The following GMPS variants were observed in gnomAD, a reference collection of about 807,000 sequenced individuals.
GMPS encodes the protein guanosine monophosphate synthase.
GMPS carries 15 observed loss-of-function variants against 77.9 expected under a neutral mutation model. The observed-to-expected ratio is 0.19, with a 90% CI of 0.13 to 0.30. GMPS has a LOEUF of 0.30. Ranked by LOEUF, GMPS falls within the 10% of genes least tolerant of loss-of-function variation. The pLI, the probability that GMPS is intolerant of heterozygous loss-of-function variation, is 1.00. For synonymous variants in GMPS, 224 were observed against 275.9 expected, an observed-to-expected ratio of 0.81 and a Z score of 1.86; for missense variants, 590 against 838.8, an observed-to-expected ratio of 0.70 and a Z score of 3.66.
intron 9 of GMPS, among the ~76,000 whole-genome samples, chr3:155,916,470 C>T (rs1441302453): frequency 3.3e-5 from 5 of 152,066 alleles, no homozygotes; most frequent in Non-Finnish European, 5.9e-5. Flanking sequence ...TTTTCTGTCT[C>T]TATAGATTTG....
chr3:155,917,434 C>T (rs1195692438), intron 9 of GMPS, among the ~76,000 whole-genome samples: 1 of 152,204 alleles, frequency 6.6e-6, no homozygotes, highest in Non-Finnish European at 1.5e-5. Context: ...AACCACCATT[C>T]TGCTTTCTGT....
intron 1 of GMPS, among the ~76,000 whole-genome samples, chr3:155,878,596 A>AACATTTTAT (rs1195990985): frequency 2.6e-5 from 4 of 152,202 alleles, no homozygotes; most frequent in Non-Finnish European, 4.4e-5. Flanking sequence ...AAGCAGCTGC[A>AACATTTTAT]ACATTTTATA....
rs767434574 is a variant in GMPS, at chr3:155,931,816, C to A, written c.1612C>A (p.Pro538Thr). 2 of 1,598,136 alleles carry A rather than the reference C, an allele frequency of 1.3e-6. No individual in the cohort carries two copies. The highest frequency in any genetic ancestry group is 2.2e-5 in the South Asian group (2 of 90,704). ...GTGTGGAATCTCCAGTAAAGATGAA[C>A]CTGACTGGGAATCACTTATTTTTCT... ...YVCGISSKDE[P>T]DWESLIFLAR... The change falls in exon 13 of 16, where the codon CCT becomes ACT. Residue 538 changes from proline to threonine, a missense_variant. Physicochemically the swap from Pro to Thr is conservative, Grantham distance 38. Transcript: ENST00000496455.
chr3:155,877,684 A>C (rs1754084707), intron 1 of GMPS, among the ~76,000 whole-genome samples: 1 of 152,088 alleles, frequency 6.6e-6, no homozygotes, highest in Admixed American at 6.6e-5. Flanking sequence ...AAAATTTCTC[A>C]CAATTCTGAA....
chr3:155,917,587 G>T (rs1015577538), intron 9 of GMPS, among the ~76,000 whole-genome samples: 5 of 151,910 alleles, frequency 3.3e-5, no homozygotes, highest in African/African-American at 1.2e-4. Flanking sequence ...TCTTTTTTAA[G>T]ACTGAAAAAT....
At position 155,942,100 on chromosome 3, in the gene GMPS, TG is replaced by T. The variant is rs1360164116; in HGVS notation, c.*4409del. On this transcript the variant is annotated 3_prime_UTR_variant, in exon 16 of 16. Coordinates refer to ENST00000496455, the MANE Select transcript of GMPS (RefSeq NM_003875.3). ...AACTCAAGCATTTACAGTTTTGTTTTGTTTTTTTTTTAAGACAGAGTCTCGC... is the reference window on the plus strand; with the variant it reads ...AACTCAAGCATTTACAGTTTTGTTTTTTTTTTTTTTAAGACAGAGTCTCGC... 5.1e-6 allele frequency: 1 copy of T among 195,126 alleles called. No homozygotes were observed. Among genetic ancestry groups the T allele is most frequent in the Non-Finnish European group, 1.1e-5 (1 of 94,304 alleles). 12.1% of individuals were successfully genotyped at this position (195,126 alleles called of 1,614,324 possible).
intron 13 of GMPS, among the ~76,000 whole-genome samples, chr3:155,934,498 A>G (rs7651038): frequency 0.4 from 60,390 of 152,048 alleles, 14,475 homozygotes; most frequent in Non-Finnish European, 0.52. Context: ...GAAGGATACC[A>G]GTCATTGGAT....
intron 1 of GMPS, among the ~76,000 whole-genome samples, chr3:155,876,025 CA>C (rs924982308): frequency 2.6e-5 from 4 of 151,926 alleles, no homozygotes; most frequent in Non-Finnish European, 4.4e-5. Flanking sequence ...ATATTACATA[CA>C]AAAAAATTGT....
chr3:155,870,041 TTACCAC>T, upstream of GMPS, among the ~76,000 whole-genome samples: 1 of 152,330 alleles, frequency 6.6e-6, no homozygotes, highest in South Asian at 2.1e-4. Context: ...GCTCACCAGA[TTACCAC>T]TCCCAAACTC....
At chr3:155,897,181 A>C (rs951210756) in intron 2 of GMPS, among the ~76,000 whole-genome samples, 1 of 152,128 alleles carries the variant, frequency 6.6e-6, no homozygotes, top group Non-Finnish European at 1.5e-5. Context: ...TAAAATGTTT[A>C]AGTTTTTTTG....
chr3:155,924,879 A>G (rs972131454), intron 11 of GMPS, among the ~76,000 whole-genome samples: 3 of 151,644 alleles, frequency 2.0e-5, no homozygotes, highest in Non-Finnish European at 2.9e-5. Context: ...GGAAAAACAT[A>G]TACCAGGTAA....
intron 4 of GMPS, among the ~76,000 whole-genome samples, chr3:155,904,429 A>G (rs1453721249): frequency 6.6e-6 from 1 of 151,878 alleles, no homozygotes; most frequent in Non-Finnish European, 1.5e-5. Flanking sequence ...AGCTGGGACT[A>G]CAGGCATGAA....
chr3:155,870,995 A>C (rs1753891092), intron 1 of GMPS, 98 bp downstream of exon 1: 2 of 1,145,784 alleles, frequency 1.7e-6, no homozygotes, highest in African/African-American at 1.6e-5. Flanking sequence ...CCCTTCCCCC[A>C]GCCCGTCCGC....
In GMPS at chr3:155,938,229, A is replaced by G. The variant is rs1755806357; in HGVS notation, c.*537A>G. 1 of 221,156 alleles carries G rather than the reference A, an allele frequency of 4.5e-6. No homozygotes were observed. Among genetic ancestry groups the G allele is most frequent in the South Asian group, 1.8e-4 (1 of 5,428 alleles). The allele number at this position is 221,156 out of a possible 1,614,324, so 13.7% of individuals were successfully genotyped here. A position where few individuals can be genotyped will look rare whatever the true frequency, so the allele number is the denominator to read the frequency against. The stretch of plus-strand genomic sequence containing the variant: ...CTTTTGAAGGACACTGAGGGTATAA[A>G]ATGTAAGCTACCATAAGATGGAAAA... On this transcript the variant is annotated 3_prime_UTR_variant, in exon 16 of 16. Transcript: ENST00000496455.
intron 1 of GMPS, among the ~76,000 whole-genome samples, chr3:155,888,663 G>A (rs1754395153): frequency 6.6e-6 from 1 of 150,766 alleles, no homozygotes; most frequent in African/African-American, 2.4e-5. Context: ...TCAGCTCGCT[G>A]CAACCTTCAC....
intron 10 of GMPS, 59 bp from the exon 11 acceptor site, chr3:155,922,128 G>T: frequency 1.5e-6 from 1 of 687,812 alleles, no homozygotes; most frequent in South Asian, 2.3e-5. Context: ...TTTTATATTA[G>T]ATTTTTATAT....
chr3:155,905,685 A>AATTAT (rs79182359), intron 4 of GMPS, among the ~76,000 whole-genome samples: 8,267 of 152,218 alleles, frequency 0.054, 307 homozygotes, highest in East Asian at 0.18. Context: ...GTTGATTACT[A>AATTAT]ATTATTTGTT....
At chr3:155,874,799 A>G (rs997441559) in intron 1 of GMPS, among the ~76,000 whole-genome samples, 7 of 152,054 alleles carry the variant, frequency 4.6e-5, no homozygotes, top group Non-Finnish European at 8.8e-5. Flanking sequence ...TTTAAGGTTA[A>G]TGAATTACAT....
rs944302192 is a variant in GMPS, at chr3:155,904,450, C to T, written c.422+490C>T. ...GACTACAGGCATGAACCACCACGCC[C>T]GGCTAATTTTTGTATTTTTAGTAGA... On this transcript the variant is annotated intron_variant, in intron 4 of 15. Transcript: ENST00000496455. Among the ~76,000 whole-genome samples, 8 of 151,948 alleles carry T rather than the reference C, an allele frequency of 5.3e-5. No individual in the cohort carries two copies. The East Asian group carries it at 9.7e-4, about 18-fold the overall frequency.
Sources: allele counts gnomAD v4.1 joint callset (sites outside exome capture counted in the v4.1 genomes callset), GRCh38; gene constraint gnomAD v4.1.1; transcripts MANE v1.5; gene names NCBI Gene and HGNC (gene_info 2026-07-23, HGNC 2026-07-21).